The following IGDCC4 variants were observed in gnomAD, a reference collection of about 807,000 sequenced individuals.
IGDCC4 encodes the protein immunoglobulin superfamily DCC subclass member 4.
IGDCC4 carries 72 observed loss-of-function variants against 116.6 expected under a neutral mutation model. That is an observed-to-expected ratio of 0.62 (90% confidence interval 0.51 to 0.75). The LOEUF (loss-of-function observed/expected upper bound fraction) is 0.75. IGDCC4 is among the 30% of genes least tolerant of loss of function. The pLI is 0.00. For synonymous variants in IGDCC4, 709 were observed against 719.9 expected, an observed-to-expected ratio of 0.98 and a Z score of 0.24; for missense variants, 1,501 against 1,662.4, an observed-to-expected ratio of 0.90 and a Z score of 1.69.
At chr15:65,391,670 GGCCTAAGACAGTGAACAAACAA>G (rs2140197940) in intron 12 of IGDCC4, among the ~76,000 whole-genome samples, 188 bp downstream of exon 12, 1 of 152,332 alleles carries the variant, frequency 6.6e-6, no homozygotes, top group Non-Finnish European at 1.5e-5. Flanking sequence ...TAAGGTGGCA[GGCCTAAGACAGTGAACAAACAA>G]GCTTCTCTCC....
chr15:65,415,550 A>C (rs2063134914), intron 1 of IGDCC4, among the ~76,000 whole-genome samples: 1 of 152,244 alleles, frequency 6.6e-6, no homozygotes, highest in African/African-American at 2.4e-5. Context: ...AGAGAGCAGC[A>C]GTGCTGTGCC....
chr15:65,402,535 A>AG, intron 3 of IGDCC4, 48 bp from the exon 4 acceptor site: 1 of 1,548,526 alleles, frequency 6.5e-7, no homozygotes, highest in African/African-American at 1.4e-5. Flanking sequence ...GGGGGGCCAC[A>AG]GGGAGGGTGG....
At chr15:65,385,766 G>T (rs2091449134) in intron 18 of IGDCC4, 65 bp downstream of exon 18, 3 of 1,313,750 alleles carry the variant, frequency 2.3e-6, no homozygotes, top group African/African-American at 1.4e-5. Flanking sequence ...ATAGCCACGC[G>T]TTGTGCTCTG....
intron 18 of IGDCC4, 51 bp downstream of exon 18, chr15:65,385,780 C>A (rs367907464): frequency 1.4e-4 from 197 of 1,436,668 alleles, no homozygotes; most frequent in South Asian, 2.2e-4. Flanking sequence ...TGCTCTGTCG[C>A]CCCCTGGTGT....
chr15:65,416,040 G>A (rs904719698), intron 1 of IGDCC4, among the ~76,000 whole-genome samples: 2 of 151,222 alleles, frequency 1.3e-5, no homozygotes, highest in Admixed American at 6.6e-5. Context: ...TTTAAAATGA[G>A]AAGTCTCCAA....
chr15:65,401,688 G>C (rs1201032210), intron 4 of IGDCC4, among the ~76,000 whole-genome samples: 1 of 152,142 alleles, frequency 6.6e-6, no homozygotes, highest in African/African-American at 2.4e-5. Context: ...GAGATCTGTT[G>C]AGCACCTGCC....
chr15:65,387,876 G>A (rs962120315), intron 16 of IGDCC4, among the ~76,000 whole-genome samples: 2 of 152,102 alleles, frequency 1.3e-5, no homozygotes, highest in African/African-American at 2.4e-5. Flanking sequence ...TTGGGAGGAC[G>A]AGGTGGGTGG....
rs191712223 is a variant in IGDCC4 at position 65,409,302 on chromosome 15, G to A, written c.563+876C>T. On this transcript the variant is annotated intron_variant, in intron 3 of 19. Transcript: ENST00000352385. ...GCAACAGAAGGTTGGATCCAGGGGA[G>A]AAAGGGCAGTGTTTCAGAGCCCAAG... Among the ~76,000 whole-genome samples, 585 of 152,324 alleles carry A rather than the reference G, an allele frequency of 3.8e-3. 1 individual carries two copies. Among genetic ancestry groups the A allele is most frequent in the Non-Finnish European group, 6.3e-3 (431 of 68,026 alleles).
At chr15:65,386,126 G>C (rs937856223) in intron 17 of IGDCC4, 67 bp from the exon 18 acceptor site, 15 of 1,029,592 alleles carry the variant, frequency 1.5e-5, no homozygotes, top group Admixed American at 5.8e-5. Context: ...CTGGGATCTG[G>C]TCCAGCCTAT....
intron 1 of IGDCC4, among the ~76,000 whole-genome samples, chr15:65,413,829 G>A (rs1567094285): frequency 6.6e-6 from 1 of 152,198 alleles, no homozygotes; most frequent in Admixed American, 6.5e-5. Flanking sequence ...GGAATCAGGA[G>A]ACCCTCGGTT....
At chr15:65,398,969 A>T (rs2062956814) in intron 5 of IGDCC4, among the ~76,000 whole-genome samples, 1 of 152,194 alleles carries the variant, frequency 6.6e-6, no homozygotes, top group Non-Finnish European at 1.5e-5. Flanking sequence ...TCCTGGAAAG[A>T]AAGCAGTACT....
chr15:65,411,313 A>C lies in IGDCC4; in HGVS notation c.128T>G (p.Leu43Arg). The C allele has an allele frequency of 6.2e-7, 1 of 1,607,978 alleles. No homozygotes were observed. Among genetic ancestry groups the C allele is most frequent in the Non-Finnish European group, 8.5e-7 (1 of 1,176,420 alleles). Residue 43 changes from leucine (L) to arginine (R), a missense_variant, in exon 2 of 20, where the codon CTG becomes CGG. Transcript: ENST00000352385. ...TVELSCGVGP[L>R]QVILGPEQAA... ...CTGCTCTGGGCCCAGGATCACTTGC[A>C]GTGGCCCCACTCCACAGCTCAGCTC...
At chr15:65,389,438 G>A (rs372068134) in intron 13 of IGDCC4, 27 bp from the exon 14 acceptor site, 15 of 1,613,960 alleles carry the variant, frequency 9.3e-6, no homozygotes, top group Non-Finnish European at 1.2e-5. Flanking sequence ...CGTGACTAGT[G>A]CTCTCAGGCA....
chr15:65,393,269 C>T lies in IGDCC4; in HGVS notation c.1885+92G>A, dbSNP rs978154431. ...GCCATGGAAGGTCTCTGATGGAGGG[C>T]GGGGCCAGGGGGTGGGGCGCTGGGT... On this transcript the variant is annotated intron_variant, in intron 10 of 19. Coordinates refer to ENST00000352385, the MANE Select transcript of IGDCC4 (RefSeq NM_020962.3). This position sits in a 1 kb window ranked among gnomAD's most constrained non-coding sequence, Gnocchi z 4.6. 2.2e-5 allele frequency: 30 copies of T among 1,349,460 alleles called. No homozygotes were observed. Among genetic ancestry groups the T allele is most frequent in the Admixed American group, 1.7e-4 (6 of 35,558 alleles). 83.6% of individuals were successfully genotyped at this position (1,349,460 alleles called of 1,614,324 possible). A position where few individuals can be genotyped will look rare whatever the true frequency, so the allele number is the denominator to read the frequency against.
chr15:65,397,932 G>C (rs2062942998), intron 5 of IGDCC4, among the ~76,000 whole-genome samples: 1 of 152,134 alleles, frequency 6.6e-6, no homozygotes, highest in Non-Finnish European at 1.5e-5. Context: ...TCCAACAGCA[G>C]GAACTGGTGA....
In IGDCC4 at chr15:65,384,949, C is replaced by T. The variant is rs753708566; in HGVS notation, c.3342+5G>A. 2.5e-6 allele frequency: 4 copies of T among 1,609,802 alleles called. No individual in the cohort carries two copies. The highest frequency in any genetic ancestry group is 1.1e-5 in the South Asian group (1 of 90,756). ...TTTCCTGCCCCTTCCTTCCAGGACG[C>T]TGACCTTTATGGCGTCGTACACCAG... On this transcript the variant is annotated splice_donor_5th_base_variant and intron_variant, in intron 19 of 19. Coordinates refer to ENST00000352385, the MANE Select transcript of IGDCC4 (RefSeq NM_020962.3). The surrounding 1 kb of genome is among the most constrained non-coding windows in gnomAD (Gnocchi z 4.9).
rs777899277 is a variant in IGDCC4, at chr15:65,390,124, T to C, written c.2408+31A>G. On this transcript the variant is annotated intron_variant, in intron 13 of 19. Transcript: ENST00000352385. Reference sequence around the variant, plus strand: ...CACCCCCCACCTATTCTTCCTCCCTTCTTTACATTAGTAAAGGCATTAGTC... The same window carrying C: ...CACCCCCCACCTATTCTTCCTCCCTCCTTTACATTAGTAAAGGCATTAGTC... 5 of 1,525,196 alleles carry C rather than the reference T, an allele frequency of 3.3e-6. No individual in the cohort carries two copies. The Admixed American group carries it at 8.8e-5, about 27-fold the overall frequency. The allele number at this position is 1,525,196 out of a possible 1,614,324, so 94.5% of individuals were successfully genotyped here.
intron 4 of IGDCC4, among the ~76,000 whole-genome samples, chr15:65,401,640 G>A (rs1409922312): frequency 6.6e-6 from 1 of 152,192 alleles, no homozygotes; most frequent in Non-Finnish European, 1.5e-5. Context: ...GCATGGCAAA[G>A]GGAAGCAAGG....
rs33918653 is a variant in IGDCC4 at position 65,384,388 on chromosome 15, C to T, written c.3374G>A (p.Cys1125Tyr). 0.2 allele frequency: 307,167 copies of T among 1,529,252 alleles called. 33,227 individuals carry two copies. The highest frequency in any genetic ancestry group is 0.47 in the East Asian group (20,897 of 44,096). 94.7% of individuals were successfully genotyped at this position (1,529,252 alleles called of 1,614,324 possible). A position where few individuals can be genotyped will look rare whatever the true frequency, so the allele number is the denominator to read the frequency against. The change falls in exon 20 of 20, where the codon TGC becomes TAC. Residue 1125 changes from cysteine (C) to tyrosine (Y), a missense_variant. Cys to Tyr is a radical substitution (Grantham distance 194). This residue lies in a region of IGDCC4 where 368 missense variants were observed against 355.6 expected (regional missense o/e 1.03). Coordinates refer to ENST00000352385, the MANE Select transcript of IGDCC4 (RefSeq NM_020962.3). This position sits in a 1 kb window ranked among gnomAD's most constrained non-coding sequence, Gnocchi z 4.9. ...GNGRKKSPPACRNQVEAEVIV... is the reference protein window; with the variant it reads ...GNGRKKSPPAYRNQVEAEVIV... ...GACTTCAGCCTCCACCTGGTTCCTG[C>T]AGGCTGGGGGTGACTTCTTCCTCCC...
Sources: allele counts gnomAD v4.1 joint callset (sites outside exome capture counted in the v4.1 genomes callset), GRCh38; gene constraint gnomAD v4.1.1; regional missense constraint gnomAD v4.1.1; non-coding constraint Gnocchi (gnomAD v3.1); transcripts MANE v1.5; gene names NCBI Gene and HGNC (gene_info 2026-07-23, HGNC 2026-07-21).